TENM1: variants seen among roughly 807,000 people sequenced by gnomAD.
The protein encoded by TENM1 is teneurin transmembrane protein 1, also known as teneurin-1.
In TENM1, 35 loss-of-function variants were observed where a neutral mutation model predicts 174.8. The observed-to-expected ratio is 0.20, with a 90% CI of 0.15 to 0.27. The LOEUF (loss-of-function observed/expected upper bound fraction) is 0.27. TENM1 is among the 10% of genes least tolerant of loss of function. TENM1 has a pLI of 1.00. For missense variants in TENM1, 1,633 were observed against 2,130.1 expected (o/e 0.77, Z 4.59); for synonymous variants, 781 against 798.7 (o/e 0.98, Z 0.37).
In TENM1 at chrX:124,819,636, G is replaced by T. The variant is rs141104881; in HGVS notation, c.535+74660C>A. 3.8e-3 allele frequency among the ~76,000 whole-genome samples: 423 copies of T among 111,098 alleles called. 1 individual carries two copies. Among genetic ancestry groups the T allele is most frequent in the African/African-American group, 0.013 (391 of 30,563 alleles). On this transcript the variant is annotated intron_variant, in intron 3 of 31. Coordinates refer to ENST00000422452, the Ensembl canonical transcript of TENM1. ...GAGAGGGTGGGGGAAACTGTTTCTG[G>T]CCTACATAATTGTAGGAAACTTCCC...
chrX:125,089,489 T>C, the TENM1 span, among the ~76,000 whole-genome samples: 1 of 111,933 alleles, frequency 8.9e-6, no homozygotes, highest in Non-Finnish European at 1.9e-5. Flanking sequence ...CAGTACTGTA[T>C]GGTTTGGCAC....
At chrX:125,070,204 A>G in the TENM1 span, among the ~76,000 whole-genome samples, 1 of 109,348 alleles carries the variant, frequency 9.1e-6, no homozygotes, top group East Asian at 2.9e-4. Flanking sequence ...TAATAATAAT[A>G]ATAATAATAA....
the TENM1 span, among the ~76,000 whole-genome samples, chrX:125,069,179 C>T: frequency 9.0e-6 from 1 of 111,193 alleles, no homozygotes; most frequent in East Asian, 2.8e-4. Context: ...TTTTGGAGTC[C>T]CCAATATCTA....
At chrX:124,513,256 G>A (rs2047623867) in intron 18 of TENM1, among the ~76,000 whole-genome samples, 1 of 110,934 alleles carries the variant, frequency 9.0e-6, no homozygotes, top group South Asian at 3.8e-4. Context: ...TTAGTTTGTG[G>A]CTCTCTTCCC....
rs558371758 is a variant in TENM1, at chrX:124,716,750, C to T, written c.777-11499G>A. On this transcript the variant is annotated intron_variant, in intron 4 of 31. Transcript: ENST00000422452. ...GACAAAAATAGCGAAGTATGATCTT[C>T]CGGGTACACGCCACTGGAAAAGGAA... 3.6e-5 allele frequency among the ~76,000 whole-genome samples: 4 copies of T among 111,481 alleles called. No individual in the cohort carries two copies. The East Asian group carries it at 8.5e-4, about 24-fold the overall frequency.
At chrX:124,872,986 A>T (rs2057136929) in intron 3 of TENM1, among the ~76,000 whole-genome samples, 1 of 111,658 alleles carries the variant, frequency 9.0e-6, no homozygotes, top group African/African-American at 3.2e-5. Context: ...TTCAGAAGGA[A>T]TATACACATA....
chrX:124,742,121 T>C (rs1380194447), intron 3 of TENM1, among the ~76,000 whole-genome samples: 1 of 111,972 alleles, frequency 8.9e-6, no homozygotes, highest in African/African-American at 3.2e-5. Flanking sequence ...CTGAAATCCA[T>C]GTACTAAATT....
chrX:124,385,649 T>C lies in TENM1; in HGVS notation c.6076+28A>G, dbSNP rs756101474. ...TCATAAGAAAATAGTGATGTTGTTG[T>C]ACACACCACCACTCTTTCACAACAA... On this transcript the variant is annotated intron_variant, in intron 29 of 31. Coordinates refer to ENST00000422452, the Ensembl canonical transcript of TENM1. 4 of 1,165,680 alleles carry C rather than the reference T, an allele frequency of 3.4e-6. No homozygotes were observed. In the South Asian group the frequency reaches 6.0e-5, roughly 18 times the overall value.
the TENM1 span, among the ~76,000 whole-genome samples, chrX:125,121,766 G>A: frequency 8.9e-6 from 1 of 112,193 alleles, no homozygotes; most frequent in Admixed American, 9.5e-5. Context: ...TTAATAAAAA[G>A]TCAAGCAATA....
intron 27 of TENM1, among the ~76,000 whole-genome samples, chrX:124,404,450 A>T (rs544271152): frequency 1.8e-5 from 2 of 111,408 alleles, no homozygotes; most frequent in Admixed American, 1.9e-4. Context: ...AAACTCCCTA[A>T]TCTATAACTT....
chrX:124,439,588 A>G (rs1278754585), intron 23 of TENM1, among the ~76,000 whole-genome samples: 1 of 111,704 alleles, frequency 9.0e-6, no homozygotes, highest in Non-Finnish European at 1.9e-5. Flanking sequence ...TGTTTGCTAC[A>G]GCCCATCACA....
the TENM1 span, among the ~76,000 whole-genome samples, chrX:125,103,094 C>G: frequency 8.9e-6 from 1 of 112,380 alleles, no homozygotes; most frequent in African/African-American, 3.2e-5. Context: ...GCAAACTTGA[C>G]ATTGCAAATA....
chrX:124,731,069 G>T (rs1206593475), intron 4 of TENM1, among the ~76,000 whole-genome samples: 1 of 111,323 alleles, frequency 9.0e-6, no homozygotes, highest in Non-Finnish European at 1.9e-5. Context: ...AAAATAAAGG[G>T]ATGAAAACCA....
intron 21 of TENM1, among the ~76,000 whole-genome samples, chrX:124,484,893 G>C (rs1388570430): frequency 2.7e-5 from 3 of 111,189 alleles, no homozygotes; most frequent in Non-Finnish European, 5.7e-5. Context: ...CTCTTTGCAG[G>C]CAGGAACCAT....
chrX:124,501,091 C>T (rs1027142208), intron 19 of TENM1, among the ~76,000 whole-genome samples: 19 of 111,298 alleles, frequency 1.7e-4, no homozygotes, highest in East Asian at 5.6e-4. Context: ...TTTAAACACT[C>T]GACTGCCAGG....
At chrX:124,470,960 A>C (rs2147898312) in intron 22 of TENM1, among the ~76,000 whole-genome samples, 1 of 107,184 alleles carries the variant, frequency 9.3e-6, no homozygotes, top group Admixed American at 1.1e-4. Flanking sequence ...ACATCAACTC[A>C]AAAAATAATA....
intron 14 of TENM1, among the ~76,000 whole-genome samples, chrX:124,558,611 G>GACT (rs1222498692): frequency 9.0e-6 from 1 of 111,100 alleles, no homozygotes; most frequent in Non-Finnish European, 1.9e-5. Flanking sequence ...GGAAAGCTGA[G>GACT]ACTACCAAAT....
At chrX:124,773,820 G>A (rs1451149598) in intron 3 of TENM1, among the ~76,000 whole-genome samples, 2 of 111,693 alleles carry the variant, frequency 1.8e-5, no homozygotes, top group Non-Finnish European at 3.8e-5. Context: ...ACTGGGCTCT[G>A]GGTGAAAACA....
chrX:124,459,121 G>T (rs980488358), intron 22 of TENM1, among the ~76,000 whole-genome samples: 5 of 111,253 alleles, frequency 4.5e-5, no homozygotes, highest in Non-Finnish European at 5.7e-5. Flanking sequence ...GAGCATCCTT[G>T]GGGGATGGGC....
Sources: gnomAD v4.1 joint callset for allele counts (sites outside exome capture counted in the v4.1 genomes callset) on GRCh38, gnomAD v4.1.1 for gene constraint, MANE v1.5 for transcripts, NCBI Gene and HGNC (gene_info 2026-07-23, HGNC 2026-07-21) for gene names.